ARHGEF28: variants seen among roughly 807,000 people sequenced by gnomAD.
ARHGEF28 encodes the protein 190 kDa guanine nucleotide exchange factor.
Under a neutral mutation model 206.6 loss-of-function variants are expected in ARHGEF28, and 152 were observed. The ratio of observed to expected loss-of-function variants is 0.74; its 90% CI spans 0.64 to 0.84. The LOEUF (loss-of-function observed/expected upper bound fraction) is 0.84. Ranked by LOEUF, ARHGEF28 falls within the 40% of genes least tolerant of loss-of-function variation. The probability of loss-of-function intolerance (pLI) is 0.00; values close to 1 mark genes in which losing one functional copy is unlikely to be tolerated. For synonymous variants in ARHGEF28, 763 were observed against 776.4 expected, an observed-to-expected ratio of 0.98 and a Z score of 0.29; for missense variants, 2,028 against 2,073.2, an observed-to-expected ratio of 0.98 and a Z score of 0.42.
In ARHGEF28 at chr5:73,832,465, G is replaced by A. The variant is rs1757357979; in HGVS notation, c.1146+6G>A. On this transcript the variant is annotated splice_donor_region_variant and intron_variant, in intron 10 of 35. Transcript: ENST00000513042. Reference sequence around the variant, plus strand: ...ACTGTATGGTGATTGATCAGGTAAGGCCCAACTGACATTACAGGATGATTT... The same window carrying A: ...ACTGTATGGTGATTGATCAGGTAAGACCCAACTGACATTACAGGATGATTT... 3 of 1,611,074 alleles carry A rather than the reference G, an allele frequency of 1.9e-6. No individual in the cohort carries two copies. The highest frequency in any genetic ancestry group is 4.5e-5 in the East Asian group (2 of 44,826).
intron 1 of ARHGEF28, among the ~76,000 whole-genome samples, chr5:73,653,340 C>T (rs537202876): frequency 4.3e-4 from 65 of 152,218 alleles, no homozygotes; most frequent in African/African-American, 1.5e-3. Context: ...AATATTACAC[C>T]GTATTTTATG....
Position 73,866,000 on chromosome 5 carries a change from G to T in ARHGEF28, c.2139G>T (p.Gln713His). The change falls in exon 18 of 36, where the codon CAG becomes CAT. Residue 713 changes from glutamine to histidine, a missense_variant. Around this residue, in one of 3 missense-constraint regions of ARHGEF28, gnomAD observed 1,002 missense variants for 1,015.3 expected, o/e 0.99. Transcript: ENST00000513042. ...AGAAATATAACAAGAACAAACCACA[G>T]ACCATCCTTGGAAGTAAGTGATGTA... is the stretch of plus-strand genomic sequence containing the variant. ...FQEKYNKNKP[Q>H]TILGNSSFRD... The T allele has an allele frequency of 1.2e-6, 2 of 1,604,148 alleles. No homozygotes were observed. The highest frequency in any genetic ancestry group is 2.2e-5 in the South Asian group (2 of 89,806).
Position 73,868,226 on chromosome 5 carries a change from A to C in ARHGEF28, c.2424A>C (p.Glu808Asp). Residue 808 changes from glutamate to aspartate, a missense_variant and splice_region_variant, in exon 20 of 36, where the codon GAA becomes GAC. Glu to Asp is a conservative substitution (Grantham distance 45). This residue lies in a region of ARHGEF28 where 1,002 missense variants were observed against 1,015.3 expected (regional missense o/e 0.99). Coordinates refer to ENST00000513042, the MANE Select transcript of ARHGEF28 (RefSeq NM_001177693.2). ...SSPSTESFIM[E>D]DVVDSSLWSD... is the part of the protein sequence containing the mutation. ...CCTCTACAGAGTCTTTCATAATGGA[A>C]GGTGAGGAGAAGACACACTTCCATT... 6.3e-7 allele frequency: 1 copy of C among 1,576,446 alleles called. No individual in the cohort carries two copies. Among genetic ancestry groups the C allele is most frequent in the Non-Finnish European group, 8.6e-7 (1 of 1,159,230 alleles).
intron 4 of ARHGEF28, among the ~76,000 whole-genome samples, chr5:73,756,869 T>A (rs77176421): frequency 6.1e-4 from 93 of 152,344 alleles, no homozygotes; most frequent in African/African-American, 2.1e-3. Context: ...CTGAATCAAG[T>A]AGTTGGACAT....
At chr5:73,863,270 G>A (rs1759506777) in intron 16 of ARHGEF28, 1 of 151,990 alleles carries the variant, frequency 6.6e-6, no homozygotes. Context: ...GTGTCCTTTT[G>A]GGCGCTTTTT....
At chr5:73,837,745 G>GTT (rs565925682) in intron 10 of ARHGEF28, among the ~76,000 whole-genome samples, 3,882 of 132,612 alleles carry the variant, frequency 0.029, 86 homozygotes, top group Non-Finnish European at 0.04. Context: ...CTTTCGTTTT[G>GTT]TTTTTTTTTT....
At chr5:73,637,928 G>GTT (rs147241483) in intron 1 of ARHGEF28, among the ~76,000 whole-genome samples, 1 of 150,060 alleles carries the variant, frequency 6.7e-6, no homozygotes, top group African/African-American at 2.4e-5. Flanking sequence ...GTATTGTTTA[G>GTT]TTTTTTTTTT....
intron 4 of ARHGEF28, among the ~76,000 whole-genome samples, chr5:73,771,778 T>G (rs964168378): frequency 1.3e-5 from 2 of 152,210 alleles, no homozygotes; most frequent in African/African-American, 4.8e-5. Context: ...CCTCACTTTT[T>G]ATTCAAAGGA....
chr5:73,677,194 C>T lies in ARHGEF28; in HGVS notation c.-11-7647C>T, dbSNP rs1247207525. On this transcript the variant is annotated intron_variant, in intron 1 of 35. Transcript: ENST00000513042. Reference sequence around the variant, plus strand: ...CGTAAGCTTTATTTTCTAATATAAGCGTTCAGTTCATTTTTTGAGTATTTT... The same window carrying T: ...CGTAAGCTTTATTTTCTAATATAAGTGTTCAGTTCATTTTTTGAGTATTTT... Among the ~76,000 whole-genome samples the T allele has an allele frequency of 4.6e-5, 7 of 152,196 alleles. No homozygotes were observed. The East Asian group carries it at 5.8e-4, about 13-fold the overall frequency.
At chr5:73,726,860 T>G (rs1750305523) in intron 2 of ARHGEF28, among the ~76,000 whole-genome samples, 1 of 152,182 alleles carries the variant, frequency 6.6e-6, no homozygotes. Context: ...TCTAAACACA[T>G]TAAGTTTTTG....
chr5:73,840,386 C>T (rs1226258905), intron 10 of ARHGEF28, 94 bp from the exon 11 acceptor site: 1 of 1,344,562 alleles, frequency 7.4e-7, no homozygotes. Flanking sequence ...CCACGCCTGG[C>T]CAGAAGTTTT....
chr5:73,648,217 T>TGGCAG (rs768927907), intron 1 of ARHGEF28, among the ~76,000 whole-genome samples: 2 of 152,218 alleles, frequency 1.3e-5, no homozygotes, highest in Non-Finnish European at 2.9e-5. Flanking sequence ...TGGAATATAA[T>TGGCAG]GGCAGGTCTC....
intron 2 of ARHGEF28, among the ~76,000 whole-genome samples, chr5:73,737,388 T>C (rs1391115669): frequency 6.6e-6 from 1 of 151,774 alleles, no homozygotes; most frequent in East Asian, 1.9e-4. Flanking sequence ...CCGTCATCAC[T>C]CCCCAGCCCA....
In ARHGEF28 at chr5:73,885,846, G is replaced by A. The variant is rs369604513; in HGVS notation, c.3056-4G>A. 3.1e-5 allele frequency: 49 copies of A among 1,593,618 alleles called. No individual in the cohort carries two copies. In the East Asian group the frequency reaches 5.1e-4, roughly 17 times the overall value. On this transcript the variant is annotated splice_region_variant and splice_polypyrimidine_tract_variant and intron_variant, in intron 24 of 35. Transcript: ENST00000513042. The stretch of plus-strand genomic sequence containing the variant: ...TTGTTTGTTTGTTTCTTTTTCCCAC[G>A]CAGAAAGAACTGAGGAACATAAAGA...
intron 2 of ARHGEF28, among the ~76,000 whole-genome samples, chr5:73,703,583 C>T (rs1005455246): frequency 6.6e-6 from 1 of 151,830 alleles, no homozygotes; most frequent in Non-Finnish European, 1.5e-5. Flanking sequence ...TGCCTGCTTT[C>T]CTCTCTCTCT....
intron 9 of ARHGEF28, among the ~76,000 whole-genome samples, chr5:73,812,436 A>T (rs919695951): frequency 3.3e-5 from 5 of 152,230 alleles, no homozygotes; most frequent in African/African-American, 1.2e-4. Flanking sequence ...CTCACAAAAC[A>T]AAACAAACAT....
chr5:73,784,700 C>G (rs1754049762), intron 7 of ARHGEF28, among the ~76,000 whole-genome samples: 1 of 152,082 alleles, frequency 6.6e-6, no homozygotes, highest in Non-Finnish European at 1.5e-5. Context: ...TACCTGCAAC[C>G]CTGGATAACA....
In ARHGEF28 at chr5:73,749,968, C is replaced by G. The variant is rs74697538; in HGVS notation, c.165C>G (p.Leu55=). ...MIAERIEDNV[L]QSSVPGHGLQ... ...CAGAGCGCATCGAGGATAACGTTCTCCAGTCCAGCGTCCCAGGTGAGGTGT... is the reference window on the plus strand; with the variant it reads ...CAGAGCGCATCGAGGATAACGTTCTGCAGTCCAGCGTCCCAGGTGAGGTGT... The change falls in exon 3 of 36, where the codon CTC becomes CTG. Residue 55 remains leucine (L), a synonymous_variant. Transcript: ENST00000513042. 14 of 1,613,892 alleles carry G rather than the reference C, an allele frequency of 8.7e-6. No homozygotes were observed. The East Asian group carries it at 2.7e-4, about 31-fold the overall frequency.
intron 9 of ARHGEF28, among the ~76,000 whole-genome samples, chr5:73,802,871 TG>T (rs1325081215): frequency 8.1e-5 from 1 of 12,278 alleles, no homozygotes; most frequent in Non-Finnish European, 2.4e-4. Flanking sequence ...GCTCGATTGC[TG>T]TGTGTGTGTG....
Sources: allele counts gnomAD v4.1 joint callset (sites outside exome capture counted in the v4.1 genomes callset), GRCh38; gene constraint gnomAD v4.1.1; regional missense constraint gnomAD v4.1.1; transcripts MANE v1.5; gene names NCBI Gene and HGNC (gene_info 2026-07-23, HGNC 2026-07-21).